DCC: variants seen among roughly 807,000 people sequenced by gnomAD.
DCC encodes the protein netrin receptor DCC.
Under a neutral mutation model 172.5 loss-of-function variants are expected in DCC, and 58 were observed. The ratio of observed to expected loss-of-function variants is 0.34; its 90% CI spans 0.27 to 0.42. The LOEUF (loss-of-function observed/expected upper bound fraction) is 0.42, where lower values mean the gene tolerates loss of function less well. Among genes scored for constraint, DCC ranks in the 10% least tolerant of loss-of-function variants. The probability of loss-of-function intolerance (pLI) is 1.00; values close to 1 mark genes in which losing one functional copy is unlikely to be tolerated. For missense variants in DCC, 1,740 were observed against 1,791.0 expected (o/e 0.97, Z 0.51); for synonymous variants, 709 against 644.5 (o/e 1.10, Z -1.52).
At chr18:53,125,587 C>T (rs932039215) in intron 7 of DCC, among the ~76,000 whole-genome samples, 3 of 152,058 alleles carry the variant, frequency 2.0e-5, no homozygotes, top group African/African-American at 4.8e-5. Flanking sequence ...TAAAGCAACA[C>T]CACCAGCGAT....
intron 12 of DCC, among the ~76,000 whole-genome samples, chr18:53,252,747 A>G (rs1423559801): frequency 6.6e-6 from 1 of 152,008 alleles, no homozygotes; most frequent in African/African-American, 2.4e-5. Context: ...GGAGCACATA[A>G]AAGACCCAAT....
intron 5 of DCC, among the ~76,000 whole-genome samples, chr18:52,944,304 A>G (rs911086220): frequency 7.9e-5 from 12 of 152,164 alleles, no homozygotes; most frequent in African/African-American, 2.2e-4. Flanking sequence ...GGGATTGTCT[A>G]TACTTTGTAG....
chr18:53,091,863 A>ATCTATCAATCTATC (rs1568299413), intron 7 of DCC, among the ~76,000 whole-genome samples: 9 of 113,918 alleles, frequency 7.9e-5, no homozygotes, highest in Admixed American at 3.5e-4. Flanking sequence ...ATCTATCTAT[A>ATCTATCAATCTATC]TATATATATA....
chr18:52,777,740 A>T (rs898166196), intron 2 of DCC, among the ~76,000 whole-genome samples: 1 of 152,078 alleles, frequency 6.6e-6, no homozygotes, highest in Non-Finnish European at 1.5e-5. Flanking sequence ...AGACTAAAGC[A>T]GAAGAGAATC....
intron 25 of DCC, among the ~76,000 whole-genome samples, chr18:53,479,445 C>A (rs2045806533): frequency 6.6e-6 from 1 of 152,092 alleles, no homozygotes; most frequent in African/African-American, 2.4e-5. Flanking sequence ...AACTGGAGAC[C>A]TAGATGTCGT....
intron 13 of DCC, among the ~76,000 whole-genome samples, chr18:53,313,332 G>A (rs1413803329): frequency 6.6e-6 from 1 of 151,998 alleles, no homozygotes. Context: ...TGCAACCTCC[G>A]CGTCTCGGGT....
intron 5 of DCC, among the ~76,000 whole-genome samples, chr18:52,978,960 T>C (rs192466906): frequency 1.3e-5 from 2 of 152,312 alleles, no homozygotes; most frequent in East Asian, 3.9e-4. Context: ...ATCCACTCCA[T>C]GGGTCGATAG....
At chr18:52,640,753 T>C (rs1209917725) in intron 1 of DCC, among the ~76,000 whole-genome samples, 1 of 152,256 alleles carries the variant, frequency 6.6e-6, no homozygotes, top group East Asian at 1.9e-4. Context: ...TGTTCATGGA[T>C]GGGTAGAATC....
At chr18:52,862,850 CTCTTT>C (rs1332334496) in intron 2 of DCC, among the ~76,000 whole-genome samples, 3 of 151,468 alleles carry the variant, frequency 2.0e-5, no homozygotes, top group Non-Finnish European at 3.0e-5. Context: ...GTTCTTCCCT[CTCTTT>C]TATTTCTTTA....
chr18:52,503,127 C>T (rs1017081576), intron 1 of DCC, among the ~76,000 whole-genome samples: 5 of 152,130 alleles, frequency 3.3e-5, no homozygotes, highest in African/African-American at 1.2e-4. Flanking sequence ...TCAACATAAA[C>T]AACCACAGCA....
chr18:52,773,115 C>A (rs574481546), intron 2 of DCC, among the ~76,000 whole-genome samples: 1 of 152,234 alleles, frequency 6.6e-6, no homozygotes, highest in African/African-American at 2.4e-5. Flanking sequence ...ACAGCAACTG[C>A]AAATAACTTT....
At chr18:52,918,668 C>T (rs984417536) in intron 3 of DCC, among the ~76,000 whole-genome samples, 2 of 152,096 alleles carry the variant, frequency 1.3e-5, no homozygotes, top group African/African-American at 2.4e-5. Flanking sequence ...TTGAAAATTG[C>T]ATCTTTATCC....
intron 12 of DCC, among the ~76,000 whole-genome samples, chr18:53,249,835 T>C (rs1229921845): frequency 6.6e-6 from 1 of 151,972 alleles, no homozygotes; most frequent in East Asian, 1.9e-4. Context: ...GCATCATGAT[T>C]AATTGTAAAT....
chr18:52,990,946 A>G (rs898521331), intron 5 of DCC, among the ~76,000 whole-genome samples: 4 of 152,210 alleles, frequency 2.6e-5, no homozygotes, highest in Non-Finnish European at 5.9e-5. Context: ...ACTCTTGATA[A>G]GTATTAATTT....
At chr18:52,716,114 T>C (rs2036377910) in intron 1 of DCC, among the ~76,000 whole-genome samples, 1 of 152,254 alleles carries the variant, frequency 6.6e-6, no homozygotes, top group Non-Finnish European at 1.5e-5. Context: ...TACTGTTTTC[T>C]GACTCATTCC....
At chr18:53,368,190 G>A (rs1226482929) in intron 15 of DCC, among the ~76,000 whole-genome samples, 1 of 152,060 alleles carries the variant, frequency 6.6e-6, no homozygotes, top group African/African-American at 2.4e-5. Context: ...CTAATAATTA[G>A]GGATGTTGAA....
intron 2 of DCC, among the ~76,000 whole-genome samples, chr18:52,784,152 C>T (rs572342851): frequency 1.1e-4 from 17 of 152,092 alleles, no homozygotes; most frequent in African/African-American, 3.9e-4. Context: ...ACTTTTTTTG[C>T]TCCCACATGT....
chr18:52,908,046 G>C (rs1031348247), intron 3 of DCC, among the ~76,000 whole-genome samples: 5 of 152,140 alleles, frequency 3.3e-5, no homozygotes, highest in African/African-American at 1.2e-4. Flanking sequence ...AGACGCTCTT[G>C]TGAGAATCCC....
intron 27 of DCC, among the ~76,000 whole-genome samples, chr18:53,525,496 A>G (rs1363231889): frequency 6.6e-6 from 1 of 152,076 alleles, no homozygotes; most frequent in African/African-American, 2.4e-5. Flanking sequence ...GGATGGGAAA[A>G]GATGCTTATG....
Sources: gnomAD v4.1 joint callset for allele counts (sites outside exome capture counted in the v4.1 genomes callset) on GRCh38, gnomAD v4.1.1 for gene constraint, MANE v1.5 for transcripts, NCBI Gene and HGNC (gene_info 2026-07-23, HGNC 2026-07-21) for gene names.